CREBBP: variants seen among roughly 807,000 people sequenced by gnomAD.
CREBBP encodes CREB-binding protein.
A neutral mutation model predicts 265.0 loss-of-function variants in CREBBP; 19 were observed. That is an observed-to-expected ratio of 0.07 (90% CI 0.05 to 0.11). The LOEUF (loss-of-function observed/expected upper bound fraction) is 0.11, where lower values mean the gene tolerates loss of function less well. CREBBP is among the 10% of genes least tolerant of loss of function. The probability of loss-of-function intolerance (pLI) is 1.00; values close to 1 mark genes in which losing one functional copy is unlikely to be tolerated. For synonymous variants in CREBBP, 1,457 were observed against 1,223.7 expected (o/e 1.19, Z -3.98); for missense variants, 2,525 against 3,219.0 (o/e 0.78, Z 5.22).
intron 2 of CREBBP, among the ~76,000 whole-genome samples, chr16:3,826,539 A>G (rs1028467224): frequency 2.0e-5 from 3 of 152,112 alleles, no homozygotes; most frequent in Non-Finnish European, 2.9e-5. Flanking sequence ...GCACCCTCAA[A>G]GTGACGTGGT....
intron 2 of CREBBP, among the ~76,000 whole-genome samples, chr16:3,834,825 G>C (rs1358875357): frequency 6.6e-6 from 1 of 152,126 alleles, no homozygotes; most frequent in Non-Finnish European, 1.5e-5. Context: ...TCATTTCATT[G>C]TGAAGCTCAA....
At chr16:3,737,059 C>G (rs552142490) in intron 26 of CREBBP, 1 of 577,278 alleles carries the variant, frequency 1.7e-6, no homozygotes, top group African/African-American at 1.9e-5. Flanking sequence ...AGGGCCGAGG[C>G]TGCAAAAGAA....
intron 1 of CREBBP, among the ~76,000 whole-genome samples, chr16:3,876,618 C>T (rs2055408935): frequency 6.6e-6 from 1 of 151,960 alleles, no homozygotes; most frequent in Admixed American, 6.6e-5. Flanking sequence ...GTAAGGGTGC[C>T]AAGTAAAGGA....
chr16:3,856,155 A>G (rs1347506491), intron 1 of CREBBP, among the ~76,000 whole-genome samples: 1 of 152,212 alleles, frequency 6.6e-6, no homozygotes, highest in Non-Finnish European at 1.5e-5. Flanking sequence ...TTTTAGAGAT[A>G]GGGTCTTGCT....
chr16:3,736,710 C>T lies in CREBBP; in HGVS notation c.4500G>A (p.Gln1500=), dbSNP rs2151329497. 2 of 1,614,180 alleles carry T rather than the reference C, an allele frequency of 1.2e-6. No homozygotes were observed. The highest frequency in any genetic ancestry group is 1.7e-5 in the Admixed American group (1 of 60,028). The change falls in exon 27 of 31, where the codon CAG becomes CAA. Residue 1500 remains glutamine (Q), a synonymous_variant. Coordinates refer to ENST00000262367, the MANE Select transcript of CREBBP (RefSeq NM_004380.3). ...DQKIPKPKRL[Q]EWYKKMLDKA... is the part of the protein sequence containing the mutation. The stretch of plus-strand genomic sequence containing the variant: ...TGTCCAGCATCTTTTTGTACCACTC[C>T]TGCAGTCGTTTTGGCTTGGGTATTT...
chr16:3,840,673 T>C (rs993010038), intron 2 of CREBBP: 4 of 166,600 alleles, frequency 2.4e-5, no homozygotes, highest in Non-Finnish European at 5.3e-5. Context: ...CTATCAACCC[T>C]AGTACCAAAT....
intron 16 of CREBBP, among the ~76,000 whole-genome samples, chr16:3,764,057 T>C (rs2052787860): frequency 6.6e-6 from 1 of 152,088 alleles, no homozygotes; most frequent in Non-Finnish European, 1.5e-5. Context: ...CAAACTCTAC[T>C]GTTATCACAC....
chr16:3,735,424 G>A (rs2052029959), intron 28 of CREBBP, among the ~76,000 whole-genome samples: 1 of 152,092 alleles, frequency 6.6e-6, no homozygotes, highest in South Asian at 2.1e-4. Context: ...AACCTCCCTC[G>A]TAGCTGGGAT....
chr16:3,811,947 A>C (rs2053946274), intron 2 of CREBBP, among the ~76,000 whole-genome samples: 1 of 152,094 alleles, frequency 6.6e-6, no homozygotes, highest in Admixed American at 6.5e-5. Flanking sequence ...TAGTAGTTAA[A>C]CTTTTATGGA....
At chr16:3,750,115 AC>A (rs1404517281) in intron 20 of CREBBP, among the ~76,000 whole-genome samples, 1 of 151,570 alleles carries the variant, frequency 6.6e-6, no homozygotes, top group East Asian at 1.9e-4. Flanking sequence ...ACTCAAACTC[AC>A]CCCGGTTCTG....
chr16:3,879,522 G>A (rs887199274), intron 1 of CREBBP, among the ~76,000 whole-genome samples: 5 of 152,130 alleles, frequency 3.3e-5, no homozygotes, highest in African/African-American at 7.2e-5. Context: ...GGATGCGTAG[G>A]ACATTACCAA....
rs1252613003 is a variant in CREBBP, at chr16:3,770,881, G to A, written c.2569C>T (p.Pro857Ser). ...CCAGCAGCCGTGGAAGCAGGAGGCG[G>A]TGTTGGGTGCAGTGGTGACTGTGTC... is the stretch of plus-strand genomic sequence containing the variant. ...PVTQSPLHPT[P>S]PPASTAAGMP... The change falls in exon 14 of 31, where the codon CCG (proline) becomes TCG (serine). Residue 857 changes from proline to serine, a missense_variant. Pro to Ser is a moderately conservative substitution (Grantham distance 74, BLOSUM62 -1). Transcript: ENST00000262367. 1.2e-6 allele frequency: 2 copies of A among 1,613,954 alleles called. No homozygotes were observed. Among genetic ancestry groups the A allele is most frequent in the East Asian group, 2.2e-5 (1 of 44,878 alleles).
rs145323423 is a variant in CREBBP, at chr16:3,833,281, G to A, written c.798+17016C>T. On this transcript the variant is annotated intron_variant, in intron 2 of 30. Coordinates refer to ENST00000262367, the MANE Select transcript of CREBBP (RefSeq NM_004380.3). ...TACAAAATTAGCTGGGTGTGGTGGC[G>A]CAAGCCTGTAGTCCCAGTTACTCAG... Among the ~76,000 whole-genome samples the A allele has an allele frequency of 5.6e-3, 857 of 152,300 alleles. 6 individuals are homozygous for A. Among genetic ancestry groups the A allele is most frequent in the African/African-American group, 0.018 (759 of 41,558 alleles).
intron 3 of CREBBP, among the ~76,000 whole-genome samples, chr16:3,804,315 AC>A (rs927038443): frequency 1.4e-4 from 21 of 152,196 alleles, no homozygotes; most frequent in African/African-American, 5.1e-4. Flanking sequence ...AAGAATACTT[AC>A]GACATTTACA....
At chr16:3,747,818 G>A (rs897921770) in intron 21 of CREBBP, among the ~76,000 whole-genome samples, 4 of 151,964 alleles carry the variant, frequency 2.6e-5, no homozygotes, top group African/African-American at 7.3e-5. Context: ...GGCTGGGTGC[G>A]GTGGCTCACA....
chr16:3,765,843 C>G (rs548318775), intron 16 of CREBBP, among the ~76,000 whole-genome samples: 11 of 152,056 alleles, frequency 7.2e-5, no homozygotes, highest in African/African-American at 2.7e-4. Flanking sequence ...TAGGTTTCGC[C>G]ATGTTGCCTA....
chr16:3,770,061 G>A (rs1036483676), intron 14 of CREBBP, among the ~76,000 whole-genome samples: 1 of 152,132 alleles, frequency 6.6e-6, no homozygotes, highest in Non-Finnish European at 1.5e-5. Context: ...GTAGAGACAA[G>A]GTTTCACAAC....
intron 16 of CREBBP, among the ~76,000 whole-genome samples, chr16:3,763,418 C>G (rs2052769548): frequency 1.3e-5 from 2 of 152,170 alleles, no homozygotes; most frequent in Admixed American, 1.3e-4. Context: ...ACCTCAGCCT[C>G]CAAAAGTGCT....
At position 3,781,265 on chromosome 16, in the gene CREBBP, C is replaced by T. The variant is rs2141247861; in HGVS notation, c.1615G>A (p.Asp539Asn). The T allele has an allele frequency of 6.2e-7, 1 of 1,614,014 alleles. No homozygotes were observed. The change falls in exon 7 of 31, where the codon GAT becomes AAT. Residue 539 changes from aspartate (D) to asparagine (N), a missense_variant. Around this residue, in one of 19 missense-constraint regions of CREBBP, gnomAD observed 144 missense variants for 134.0 expected, o/e 1.07. Coordinates refer to ENST00000262367, the MANE Select transcript of CREBBP (RefSeq NM_004380.3). ...MNIPAGGITT[D>N]QQPPNLISES... Reference sequence around the variant, plus strand: ...GAAATCAAGTTTGGGGGCTGCTGATCTGTTGTTATTCCTCCTGCTGGAATG... The same window carrying T: ...GAAATCAAGTTTGGGGGCTGCTGATTTGTTGTTATTCCTCCTGCTGGAATG...
Sources: gnomAD v4.1 joint callset for allele counts (sites outside exome capture counted in the v4.1 genomes callset) on GRCh38, gnomAD v4.1.1 for gene constraint, gnomAD v4.1.1 regional missense constraint, MANE v1.5 for transcripts, NCBI Gene and HGNC (gene_info 2026-07-23, HGNC 2026-07-21) for gene names.